The following LRRC4B variants were observed in gnomAD, a reference collection of about 807,000 sequenced individuals.
LRRC4B encodes leucine-rich repeat-containing protein 4B.
In LRRC4B, 1 loss-of-function variant was observed where a neutral mutation model predicts 7.3. The ratio of observed to expected loss-of-function variants is 0.14; its 90% CI spans 0.05 to 0.65. The LOEUF is 0.65. Ranked by LOEUF, LRRC4B falls within the 30% of genes least tolerant of loss-of-function variation. The pLI, the probability that LRRC4B is intolerant of heterozygous loss-of-function variation, is 0.84. For missense variants in LRRC4B, 730 were observed against 1,041.6 expected (o/e 0.70, Z 4.12); for synonymous variants, 500 against 499.2 (o/e 1.00, Z -0.02).
intron 1 of LRRC4B, among the ~76,000 whole-genome samples, chr19:50,561,127 G>C (rs116807789): frequency 0.011 from 1,732 of 152,064 alleles, 30 homozygotes; most frequent in African/African-American, 0.039. Flanking sequence ...TTACGGGTCA[G>C]AAGAACAAAC....
At chr19:50,543,014 C>T (rs1241484624) in intron 2 of LRRC4B, among the ~76,000 whole-genome samples, 1 of 152,154 alleles carries the variant, frequency 6.6e-6, no homozygotes, top group Non-Finnish European at 1.5e-5. Flanking sequence ...CTCTGAGCCA[C>T]CCCCCAGAGC....
intron 2 of LRRC4B, among the ~76,000 whole-genome samples, chr19:50,546,208 G>A (rs1057138140): frequency 6.6e-6 from 1 of 152,000 alleles, no homozygotes; most frequent in Non-Finnish European, 1.5e-5. Flanking sequence ...GGCAGCAGGC[G>A]CCTGTAATCC....
chr19:50,560,422 G>A (rs2098683), intron 1 of LRRC4B, among the ~76,000 whole-genome samples: 102,212 of 152,024 alleles, frequency 0.67, 35,297 homozygotes, highest in Non-Finnish European at 0.73. Flanking sequence ...TGCAAAGGGA[G>A]CTTCACCCCT....
intron 2 of LRRC4B, among the ~76,000 whole-genome samples, chr19:50,540,901 C>T (rs867182303): frequency 2.0e-5 from 3 of 151,180 alleles, no homozygotes; most frequent in African/African-American, 7.3e-5. Flanking sequence ...TAAAGTGCAC[C>T]GGCCGGGCGT....
chr19:50,562,776 G>A (rs1464012164), intron 1 of LRRC4B, among the ~76,000 whole-genome samples: 5 of 128,886 alleles, frequency 3.9e-5, no homozygotes, highest in Non-Finnish European at 7.9e-5. Flanking sequence ...TTTTGCTCTT[G>A]TCGTCTAGGC....
intron 1 of LRRC4B, among the ~76,000 whole-genome samples, chr19:50,565,524 CTCGT>C (rs1234910716): frequency 1.9e-5 from 2 of 107,376 alleles, no homozygotes; most frequent in Non-Finnish European, 3.8e-5. Flanking sequence ...ACTGTGTGCT[CTCGT>C]GTGTGTGTGT....
chr19:50,518,352 G>A lies in LRRC4B; in HGVS notation c.1361C>T (p.Ser454Leu), dbSNP rs1401659414. The A allele has an allele frequency of 6.2e-7, 1 of 1,605,270 alleles. No individual in the cohort carries two copies. Among genetic ancestry groups the A allele is most frequent in the South Asian group, 1.1e-5 (1 of 90,232 alleles). The part of the protein sequence containing the change: ...NTTASATLNV[S>L]AVDPVAAGGT... The stretch of plus-strand genomic sequence containing the variant: ...CCCGGCCGCCACGGGGTCCACGGCC[G>A]AGACGTTGAGCGTGGCCGAGGCGGT... The change falls in exon 3 of 3, where the codon TCG (serine) becomes TTG (leucine). Residue 454 changes from serine (S) to leucine (L), a missense_variant. Physicochemically the swap from Ser to Leu is moderately radical, Grantham distance 145 (BLOSUM62 -2). This residue lies in a region of LRRC4B where 192 missense variants were observed against 228.6 expected (regional missense o/e 0.84). Transcript: ENST00000652263.
intron 2 of LRRC4B, among the ~76,000 whole-genome samples, chr19:50,536,131 A>G (rs1304068608): frequency 7.3e-6 from 1 of 137,636 alleles, no homozygotes; most frequent in Non-Finnish European, 1.5e-5. Flanking sequence ...GGACTTGTTT[A>G]CCTTCCTTTT....
Position 50,519,650 on chromosome 19 carries a change from G to T in LRRC4B, c.298-235C>A, listed in dbSNP as rs1432811480. Among the ~76,000 whole-genome samples the T allele has an allele frequency of 1.3e-5, 2 of 152,164 alleles. No homozygotes were observed. Among genetic ancestry groups the T allele is most frequent in the Non-Finnish European group, 2.9e-5 (2 of 68,030 alleles). ...TCAGCACTTTGGGAGGCCGAGGCAGGTGGATCACTTGAGGTCAGGAGTTTG... is the reference window on the plus strand; with the variant it reads ...TCAGCACTTTGGGAGGCCGAGGCAGTTGGATCACTTGAGGTCAGGAGTTTG... On this transcript the variant is annotated intron_variant, in intron 2 of 2. Coordinates refer to ENST00000652263, the MANE Select transcript of LRRC4B (RefSeq NM_001080457.2). The surrounding 1 kb of genome is among the most constrained non-coding windows in gnomAD (Gnocchi z 8.1).
At chr19:50,534,890 T>C (rs1196623579) in intron 2 of LRRC4B, among the ~76,000 whole-genome samples, 6 of 152,334 alleles carry the variant, frequency 3.9e-5, no homozygotes, top group Admixed American at 2.0e-4. Flanking sequence ...TATTTATTTA[T>C]TTGAGACAGA....
In LRRC4B at chr19:50,563,095, C is replaced by G. The variant is rs562601251; in HGVS notation, c.-36+4849G>C. The stretch of plus-strand genomic sequence containing the variant: ...ATCCCAGATACTACCAGACACCCCC[C>G]ATTCTCACTCTCAGCAGCCCTCCTG... On this transcript the variant is annotated intron_variant, in intron 1 of 2. Coordinates refer to ENST00000652263, the MANE Select transcript of LRRC4B (RefSeq NM_001080457.2). This position sits in a 1 kb window ranked among gnomAD's most constrained non-coding sequence, Gnocchi z 4.9. Among the ~76,000 whole-genome samples, 349 of 152,244 alleles carry G rather than the reference C, an allele frequency of 2.3e-3. 3 individuals are homozygous for G. The highest frequency in any genetic ancestry group is 3.5e-3 in the Non-Finnish European group (237 of 67,992).
chr19:50,517,996 T>C lies in LRRC4B; in HGVS notation c.1717A>G (p.Lys573Glu). 6.5e-7 allele frequency: 1 copy of C among 1,541,624 alleles called. No homozygotes were observed. Among genetic ancestry groups the C allele is most frequent in the Middle Eastern group, 1.8e-4 (1 of 5,714 alleles). ...CAGCCGATGATGATTTTGGTGGTCT[T>C]CATGACGTCGTCCAGGTCCTTGAGG... is the stretch of plus-strand genomic sequence containing the variant. The part of the protein sequence containing the change: ...NALKDLDDVM[K>E]TTKIIIGCFV... The change falls in exon 3 of 3, where the codon AAG becomes GAG. Residue 573 changes from lysine (K) to glutamate (E), a missense_variant. Coordinates refer to ENST00000652263, the MANE Select transcript of LRRC4B (RefSeq NM_001080457.2). This position sits in a 1 kb window ranked among gnomAD's most constrained non-coding sequence, Gnocchi z 6.6.
At chr19:50,554,383 C>T (rs1007551369) in intron 1 of LRRC4B, among the ~76,000 whole-genome samples, 3 of 152,042 alleles carry the variant, frequency 2.0e-5, no homozygotes, top group Admixed American at 6.6e-5. Context: ...CAGCACCACC[C>T]GGATGGCTAA....
intron 2 of LRRC4B, among the ~76,000 whole-genome samples, chr19:50,543,230 C>T (rs1428370920): frequency 6.6e-6 from 1 of 152,154 alleles, no homozygotes; most frequent in African/African-American, 2.4e-5. Flanking sequence ...ATGCAGGTGG[C>T]AGCGCGGCGG....
chr19:50,559,323 A>C (rs1982389437), intron 1 of LRRC4B, among the ~76,000 whole-genome samples: 1 of 152,120 alleles, frequency 6.6e-6, no homozygotes, highest in Non-Finnish European at 1.5e-5. Flanking sequence ...AATCCCAGCT[A>C]CTGGGGAGGC....
chr19:50,547,912 C>T (rs770177976), intron 2 of LRRC4B, among the ~76,000 whole-genome samples: 5 of 152,046 alleles, frequency 3.3e-5, no homozygotes, highest in Non-Finnish European at 7.4e-5. Context: ...CCACAGCGTT[C>T]TCAGCCTCTC....
chr19:50,560,049 C>A (rs1246948232), intron 1 of LRRC4B, among the ~76,000 whole-genome samples: 1 of 152,152 alleles, frequency 6.6e-6, no homozygotes, highest in Non-Finnish European at 1.5e-5. Flanking sequence ...GCAGGAGAAT[C>A]ACTTGAACCT....
intron 1 of LRRC4B, among the ~76,000 whole-genome samples, chr19:50,559,070 C>T (rs1388177138): frequency 1.3e-5 from 2 of 152,170 alleles, no homozygotes; most frequent in East Asian, 3.9e-4. Flanking sequence ...CTGCCATACC[C>T]ATGGATAGCC....
rs199578062 is a variant in LRRC4B at position 50,517,809 on chromosome 19, G to A, written c.1904C>T (p.Ala635Val). The change falls in exon 3 of 3, where the codon GCG (alanine) becomes GTG (valine). Residue 635 changes from alanine (A) to valine (V), a missense_variant. This residue lies in a region of LRRC4B where 160 missense variants were observed against 163.9 expected (regional missense o/e 0.98). Transcript: ENST00000652263. The surrounding 1 kb of genome is among the most constrained non-coding windows in gnomAD (Gnocchi z 6.6). ...PAASAVSVAA[A>V]AAVASGGGVG... ...ACCACCCCCACTGGCCACGGCGGCC[G>A]CGGCGGCCACGGACACGGCCGAGGC... 225 of 1,551,980 alleles carry A rather than the reference G, an allele frequency of 1.4e-4. 1 individual carries two copies. The highest frequency in any genetic ancestry group is 3.1e-5 in the Non-Finnish European group (36 of 1,155,034).
Sources: allele counts gnomAD v4.1 joint callset (sites outside exome capture counted in the v4.1 genomes callset), GRCh38; gene constraint gnomAD v4.1.1; regional missense constraint gnomAD v4.1.1; non-coding constraint Gnocchi (gnomAD v3.1); transcripts MANE v1.5; gene names NCBI Gene and HGNC (gene_info 2026-07-23, HGNC 2026-07-21).